Variants in HYAL4 observed in about 807,000 individuals in gnomAD.
The protein encoded by HYAL4 is hyaluronidase 4, also known as hyaluronidase-4.
A neutral mutation model predicts 35.2 loss-of-function variants in HYAL4; 37 were observed. The observed-to-expected ratio is 1.05, with a 90% CI of 0.81 to 1.38. The LOEUF is 1.38. HYAL4 is among the 40% of genes most tolerant of loss of function. The pLI is 0.00. For missense variants in HYAL4, 572 were observed against 572.4 expected (o/e 1.00, Z 0.01); for synonymous variants, 198 against 203.2 (o/e 0.97, Z 0.22).
chr7:123,876,889 G>A lies in HYAL4; in HGVS notation c.1180G>A (p.Ala394Thr), dbSNP rs139736892. 4.9e-3 allele frequency: 7,975 copies of A among 1,614,180 alleles called. 31 individuals carry two copies. Among genetic ancestry groups the A allele is most frequent in the Non-Finnish European group, 6.2e-3 (7,309 of 1,180,026 alleles). The stretch of plus-strand genomic sequence containing the variant: ...CAGGTGCATAAGGAAGATGTGGAAC[G>A]CGCCCAGTTACCTTCACTTGAACCC... Reference protein sequence around the residue: ...NGRCIRKMWNAPSYLHLNPAS... With the variant: ...NGRCIRKMWNTPSYLHLNPAS... The change falls in exon 5 of 5, where the codon GCG becomes ACG. Residue 394 changes from alanine (A) to threonine (T), a missense_variant. Coordinates refer to ENST00000223026, the MANE Select transcript of HYAL4 (RefSeq NM_012269.3).
chr7:123,778,407 T>C, the HYAL4 span, among the ~76,000 whole-genome samples: 1 of 152,196 alleles, frequency 6.6e-6, no homozygotes, highest in Non-Finnish European at 1.5e-5. Context: ...GGGGTTCAAT[T>C]CAAGATCACG....
At chr7:123,859,912 A>G (rs1314534148) in intron 2 of HYAL4, among the ~76,000 whole-genome samples, 2 of 152,198 alleles carry the variant, frequency 1.3e-5, no homozygotes, top group East Asian at 1.9e-4. Context: ...AGCAAGCAAT[A>G]TAACCTTTTT....
chr7:123,877,287 A>G lies in HYAL4; in HGVS notation c.*132A>G. 2.2e-6 allele frequency: 2 copies of G among 892,324 alleles called. No individual in the cohort carries two copies. Among genetic ancestry groups the G allele is most frequent in the South Asian group, 3.9e-5 (2 of 51,790 alleles). 55.3% of individuals were successfully genotyped at this position (892,324 alleles called of 1,614,324 possible). A position where few individuals can be genotyped will look rare whatever the true frequency, so the allele number is the denominator to read the frequency against. ...TAAGTAGACATTATGTATGTCACTT[A>G]ACATAAACAGAAACATTATTTTATT... On this transcript the variant is annotated 3_prime_UTR_variant, in exon 5 of 5. Coordinates refer to ENST00000223026, the MANE Select transcript of HYAL4 (RefSeq NM_012269.3).
At chr7:123,854,701 A>G (rs1806390282) in intron 2 of HYAL4, among the ~76,000 whole-genome samples, 1 of 152,128 alleles carries the variant, frequency 6.6e-6, no homozygotes, top group South Asian at 2.1e-4. Context: ...TATTCTGTTG[A>G]TTTTGGGTGG....
chr7:123,789,058 C>T, the HYAL4 span, among the ~76,000 whole-genome samples: 2 of 152,154 alleles, frequency 1.3e-5, no homozygotes, highest in East Asian at 3.8e-4. Flanking sequence ...ATTCTGGAGA[C>T]TGAAATGACC....
At chr7:123,838,306 T>C (rs1307833956) in intron 1 of HYAL4, among the ~76,000 whole-genome samples, 2 of 151,284 alleles carry the variant, frequency 1.3e-5, no homozygotes, top group Non-Finnish European at 2.9e-5. Context: ...ATTGCTAATA[T>C]TTAAATAGAT....
chr7:123,807,918 A>ATTATTATTATTATTG, the HYAL4 span, among the ~76,000 whole-genome samples: 1 of 134,040 alleles, frequency 7.5e-6, no homozygotes, highest in African/African-American at 2.9e-5. Flanking sequence ...CTGGATAATT[A>ATTATTATTATTATTG]TTATTATTAT....
At chr7:123,841,164 C>T (rs1461473942), upstream of HYAL4, among the ~76,000 whole-genome samples, 1 of 151,926 alleles carries the variant, frequency 6.6e-6, no homozygotes, top group Non-Finnish European at 1.5e-5. Context: ...TATGTTCCCT[C>T]AATACCTAAT....
Position 123,877,430 on chromosome 7 carries a change from T to G in HYAL4, c.*275T>G. The G allele has an allele frequency of 3.4e-6, 1 of 298,062 alleles. No individual in the cohort carries two copies. Among genetic ancestry groups the G allele is most frequent in the Non-Finnish European group, 6.2e-6 (1 of 161,506 alleles). 18.5% of individuals were successfully genotyped at this position (298,062 alleles called of 1,614,324 possible). A position where few individuals can be genotyped will look rare whatever the true frequency, so the allele number is the denominator to read the frequency against. ...TAGTATAATTTAGTCTTTTCATGAA[T>G]GTACATACATAAAATTATACATAAA... is the stretch of plus-strand genomic sequence containing the variant. On this transcript the variant is annotated 3_prime_UTR_variant, in exon 5 of 5. Coordinates refer to ENST00000223026, the MANE Select transcript of HYAL4 (RefSeq NM_012269.3).
chr7:123,833,319 C>G (rs752275656), intron 1 of HYAL4, among the ~76,000 whole-genome samples: 1 of 152,178 alleles, frequency 6.6e-6, no homozygotes, highest in Non-Finnish European at 1.5e-5. Flanking sequence ...ATTTGCATTT[C>G]CCTCATCATT....
the HYAL4 span, among the ~76,000 whole-genome samples, chr7:123,779,804 C>T: frequency 2.0e-4 from 31 of 151,996 alleles, no homozygotes; most frequent in Admixed American, 2.0e-3. Context: ...TACCTTTCTT[C>T]TGTAGAGTTC....
At chr7:123,855,666 A>G (rs544893874) in intron 2 of HYAL4, among the ~76,000 whole-genome samples, 7 of 152,030 alleles carry the variant, frequency 4.6e-5, no homozygotes, top group African/African-American at 1.4e-4. Flanking sequence ...TAATCTGACA[A>G]TTATGTGTCT....
intron 4 of HYAL4, 89 bp from the exon 5 acceptor site, chr7:123,876,665 C>A: frequency 1.5e-6 from 2 of 1,317,000 alleles, no homozygotes; most frequent in African/African-American, 1.5e-5. Flanking sequence ...CTAATTCTAT[C>A]AGTACCAGCG....
intron 2 of HYAL4, among the ~76,000 whole-genome samples, chr7:123,866,467 T>C (rs1236030308): frequency 6.6e-6 from 1 of 152,198 alleles, no homozygotes; most frequent in Non-Finnish European, 1.5e-5. Flanking sequence ...TAATGAAATA[T>C]GGGCTTTGCC....
At chr7:123,867,241 A>G (rs1338129788) in intron 2 of HYAL4, among the ~76,000 whole-genome samples, 1 of 152,170 alleles carries the variant, frequency 6.6e-6, no homozygotes, top group Non-Finnish European at 1.5e-5. Flanking sequence ...GCCAAGGAGA[A>G]TAAAGGATCA....
At position 123,869,185 on chromosome 7, in the gene HYAL4, A is replaced by C; in HGVS notation, c.912A>C (p.Thr304=). The change falls in exon 3 of 5, where the codon ACA becomes ACC. Residue 304 remains threonine (T), a synonymous_variant. Transcript: ENST00000223026. ...HDYALPVFVY[T]RLGYRDEPLF... is the part of the protein sequence containing the mutation. ...ATGCTCTGCCTGTATTTGTCTACAC[A>C]AGGCTAGGGTACAGAGATGAACCTT... 6.2e-7 allele frequency: 1 copy of C among 1,613,932 alleles called. No homozygotes were observed. Among genetic ancestry groups the C allele is most frequent in the Non-Finnish European group, 8.5e-7 (1 of 1,179,956 alleles).
chr7:123,864,938 C>T (rs572803661), intron 2 of HYAL4, among the ~76,000 whole-genome samples: 9 of 151,742 alleles, frequency 5.9e-5, no homozygotes, highest in African/African-American at 1.7e-4. Flanking sequence ...CTTTTTTGGT[C>T]GTGCACCCAC....
chr7:123,877,108 A>G lies in HYAL4; in HGVS notation c.1399A>G (p.Thr467Ala). The G allele has an allele frequency of 1.2e-6, 2 of 1,614,186 alleles. No homozygotes were observed. Among genetic ancestry groups the G allele is most frequent in the Non-Finnish European group, 1.7e-6 (2 of 1,180,038 alleles). ...GVSPSPGSLM[T>A]LCLLLLASYR... The stretch of plus-strand genomic sequence containing the variant: ...TTCCCCTTCTCCTGGTTCACTAATG[A>G]CACTTTGTCTACTGCTTTTAGCAAG... The change falls in exon 5 of 5, where the codon ACA (threonine) becomes GCA (alanine). Residue 467 changes from threonine (T) to alanine (A), a missense_variant. By Grantham distance (58) the Thr-to-Ala change is moderately conservative (BLOSUM62 0). Coordinates refer to ENST00000223026, the MANE Select transcript of HYAL4 (RefSeq NM_012269.3).
chr7:123,802,474 A>C, the HYAL4 span, among the ~76,000 whole-genome samples: 3 of 152,152 alleles, frequency 2.0e-5, no homozygotes, highest in Non-Finnish European at 4.4e-5. Flanking sequence ...GCACACATCA[A>C]CAGTGCTTGT....
Sources: allele counts gnomAD v4.1 joint callset (sites outside exome capture counted in the v4.1 genomes callset), GRCh38; gene constraint gnomAD v4.1.1; transcripts MANE v1.5; gene names NCBI Gene and HGNC (gene_info 2026-07-23, HGNC 2026-07-21).